Variants in PKN2 observed in about 807,000 individuals in gnomAD.
PKN2 encodes the protein protein kinase N2, also known as serine/threonine-protein kinase N2.
Under a neutral mutation model 119.1 loss-of-function variants are expected in PKN2, and 38 were observed. The observed-to-expected ratio is 0.32, with a 90% CI of 0.25 to 0.42. PKN2 has a LOEUF of 0.42. Ranked by LOEUF, PKN2 falls within the 10% of genes least tolerant of loss-of-function variation. The pLI, the probability that PKN2 is intolerant of heterozygous loss-of-function variation, is 1.00. For synonymous variants in PKN2, 390 were observed against 384.9 expected, an observed-to-expected ratio of 1.01 and a Z score of -0.15; for missense variants, 850 against 1,165.1, an observed-to-expected ratio of 0.73 and a Z score of 3.94.
At chr1:88,748,270 T>C (rs923156637) in intron 2 of PKN2, among the ~76,000 whole-genome samples, 7 of 151,686 alleles carry the variant, frequency 4.6e-5, no homozygotes, top group African/African-American at 1.7e-4. Flanking sequence ...TTCACCTCTA[T>C]ATTCCCTGAC....
intron 6 of PKN2, among the ~76,000 whole-genome samples, chr1:88,779,385 CTT>C (rs879780694): frequency 2.8e-5 from 4 of 143,176 alleles, no homozygotes; most frequent in Admixed American, 7.0e-5. Flanking sequence ...TGTCTTTGTA[CTT>C]TTTTTTTTTT....
intron 12 of PKN2, among the ~76,000 whole-genome samples, chr1:88,807,072 T>C (rs1344717483): frequency 2.0e-5 from 3 of 152,112 alleles, no homozygotes; most frequent in Non-Finnish European, 2.9e-5. Context: ...CTCCAGCTAC[T>C]CGGGAGGCTG....
intron 3 of PKN2, among the ~76,000 whole-genome samples, chr1:88,769,324 G>A (rs1570601810): frequency 6.6e-6 from 1 of 152,040 alleles, no homozygotes; most frequent in Admixed American, 6.5e-5. Context: ...GACAAATGCT[G>A]TTTTCTACCT....
chr1:88,813,723 C>T lies in PKN2; in HGVS notation c.2269C>T (p.Pro757Ser). 1 of 1,591,484 alleles carries T rather than the reference C, an allele frequency of 6.3e-7. No individual in the cohort carries two copies. Among genetic ancestry groups the T allele is most frequent in the Admixed American group, 1.8e-5 (1 of 54,604 alleles). ...CATTCATACTGATGTCTTTTCTGAA[C>T]CAAGAGCTGTGTGAGTATGCTTTAG... ...MHIHTDVFSE[P>S]RAVFYAACVV... Residue 757 changes from proline (P) to serine (S), a missense_variant, in exon 16 of 22, where the codon CCA (proline) becomes TCA (serine). Transcript: ENST00000370521.
intron 1 of PKN2, among the ~76,000 whole-genome samples, chr1:88,739,388 T>G (rs1005059878): frequency 1.3e-5 from 2 of 152,190 alleles, no homozygotes; most frequent in Non-Finnish European, 2.9e-5. Flanking sequence ...TAAATTGATA[T>G]GAAAACCAAG....
intron 2 of PKN2, among the ~76,000 whole-genome samples, chr1:88,751,315 A>G (rs1249507765): frequency 2.0e-5 from 3 of 152,024 alleles, no homozygotes; most frequent in Admixed American, 2.0e-4. Context: ...GTGTAGACAC[A>G]CATACATACA....
At chr1:88,792,405 A>T (rs1670878898) in intron 8 of PKN2, among the ~76,000 whole-genome samples, 1 of 152,108 alleles carries the variant, frequency 6.6e-6, no homozygotes, top group African/African-American at 2.4e-5. Context: ...TCCGTCTCAA[A>T]AAATAAATAA....
At chr1:88,711,239 C>A (rs1557556390) in intron 1 of PKN2, among the ~76,000 whole-genome samples, 1 of 151,954 alleles carries the variant, frequency 6.6e-6, no homozygotes, top group Non-Finnish European at 1.5e-5. Context: ...CAATAAACCG[C>A]CATGACATGT....
At chr1:88,822,728 G>A (rs1487456297) in intron 17 of PKN2, among the ~76,000 whole-genome samples, 1 of 151,800 alleles carries the variant, frequency 6.6e-6, no homozygotes, top group African/African-American at 2.4e-5. Context: ...ACAGGTGCCC[G>A]CCACCATGCC....
chr1:88,824,827 G>A (rs2100923008), intron 18 of PKN2, among the ~76,000 whole-genome samples: 1 of 152,322 alleles, frequency 6.6e-6, no homozygotes, highest in East Asian at 1.9e-4. Context: ...GTAAATTGGG[G>A]AAATTTGAAT....
intron 6 of PKN2, among the ~76,000 whole-genome samples, chr1:88,775,454 G>A (rs1033474979): frequency 1.3e-5 from 2 of 151,936 alleles, no homozygotes; most frequent in Admixed American, 1.3e-4. Flanking sequence ...TTTTGGTTTT[G>A]TGCTGAATAA....
intron 2 of PKN2, among the ~76,000 whole-genome samples, chr1:88,744,361 G>A (rs922652666): frequency 1.3e-5 from 2 of 152,146 alleles, no homozygotes; most frequent in African/African-American, 2.4e-5. Context: ...GAAGGAAAGA[G>A]GGACAAAATT....
At chr1:88,714,569 T>C (rs916876027) in intron 1 of PKN2, among the ~76,000 whole-genome samples, 1 of 152,216 alleles carries the variant, frequency 6.6e-6, no homozygotes, top group African/African-American at 2.4e-5. Context: ...GATTTGGTTC[T>C]GTATTTGTCT....
chr1:88,783,646 A>G lies in PKN2; in HGVS notation c.986-993A>G, dbSNP rs150735448. On this transcript the variant is annotated intron_variant, in intron 6 of 21. Transcript: ENST00000370521. ...AAATATTCCTCCTAAAATGTTATTC[A>G]TTGTACAGTATCTAAAATGTTAATA... 1.4e-4 allele frequency among the ~76,000 whole-genome samples: 22 copies of G among 152,316 alleles called. No homozygotes were observed. In the East Asian group the frequency reaches 4.1e-3, roughly 28 times the overall value.
At chr1:88,717,328 T>G (rs560291409) in intron 1 of PKN2, among the ~76,000 whole-genome samples, 1 of 152,100 alleles carries the variant, frequency 6.6e-6, no homozygotes, top group South Asian at 2.1e-4. Context: ...TTTCCTGAAT[T>G]TGAGTGTTGG....
intron 12 of PKN2, among the ~76,000 whole-genome samples, chr1:88,806,843 C>T (rs1455466888): frequency 6.6e-6 from 1 of 152,054 alleles, no homozygotes; most frequent in East Asian, 1.9e-4. Context: ...CCTCAGCCTC[C>T]CTAGTAGCTG....
At chr1:88,716,426 C>G (rs1239749374) in intron 1 of PKN2, among the ~76,000 whole-genome samples, 1 of 152,142 alleles carries the variant, frequency 6.6e-6, no homozygotes, top group Non-Finnish European at 1.5e-5. Flanking sequence ...GTGTGGGAGT[C>G]TAAGTCTCTT....
chr1:88,693,878 G>T (rs1181250393), intron 1 of PKN2, among the ~76,000 whole-genome samples: 1 of 149,678 alleles, frequency 6.7e-6, no homozygotes, highest in Non-Finnish European at 1.5e-5. Flanking sequence ...CCCTATCCTG[G>T]GTTTAAAAGA....
rs553303750 is a variant in PKN2, at chr1:88,758,119, TTTTA to T, written c.350-2091_350-2088del. On this transcript the variant is annotated intron_variant, in intron 2 of 21. Transcript: ENST00000370521. ...AATAACTAGATGGTTCTTTCTGAAG[TTTTA>T]TTTATTTATTTTTGCAAAATGAAAA... Among the ~76,000 whole-genome samples the T allele has an allele frequency of 6.6e-5, 10 of 151,672 alleles. No individual in the cohort carries two copies. In the East Asian group the frequency reaches 1.4e-3, roughly 21 times the overall value.
Sources: gnomAD v4.1 joint callset for allele counts (sites outside exome capture counted in the v4.1 genomes callset) on GRCh38, gnomAD v4.1.1 for gene constraint, MANE v1.5 for transcripts, NCBI Gene and HGNC (gene_info 2026-07-23, HGNC 2026-07-21) for gene names.